The following SEMA3A variants were observed in gnomAD, a reference collection of about 807,000 sequenced individuals.
SEMA3A encodes semaphorin-3A.
Under a neutral mutation model 97.9 loss-of-function variants are expected in SEMA3A, and 29 were observed. The observed-to-expected ratio is 0.30, with a 90% confidence interval of 0.22 to 0.40. The LOEUF is 0.40. Among genes scored for constraint, SEMA3A ranks in the 10% least tolerant of loss-of-function variants. The pLI, the probability that SEMA3A is intolerant of heterozygous loss-of-function variation, is 1.00. For synonymous variants in SEMA3A, 321 were observed against 323.7 expected, an observed-to-expected ratio of 0.99 and a Z score of 0.09; for missense variants, 763 against 951.3, an observed-to-expected ratio of 0.80 and a Z score of 2.60.
At chr7:84,474,909 G>T (rs1217178607) in intron 1 of SEMA3A, among the ~76,000 whole-genome samples, 1 of 150,656 alleles carries the variant, frequency 6.6e-6, no homozygotes, top group African/African-American at 2.4e-5. Context: ...AATATTAGAG[G>T]TTTAAAAAAA....
chr7:83,965,472 A>G (rs2116262923), intron 15 of SEMA3A, among the ~76,000 whole-genome samples: 1 of 150,878 alleles, frequency 6.6e-6, no homozygotes, highest in East Asian at 2.0e-4. Flanking sequence ...AATCTGCTAA[A>G]GCTACTAAAG....
intron 6 of SEMA3A, among the ~76,000 whole-genome samples, chr7:84,040,032 G>C (rs1792079720): frequency 6.6e-6 from 1 of 151,864 alleles, no homozygotes; most frequent in South Asian, 2.1e-4. Flanking sequence ...ACATGGAAAG[G>C]CAGGTTATTT....
intron 1 of SEMA3A, among the ~76,000 whole-genome samples, chr7:84,475,293 T>C (rs192058329): frequency 2.6e-5 from 4 of 152,342 alleles, no homozygotes; most frequent in Admixed American, 1.3e-4. Context: ...TATGTTTGTT[T>C]GTTCATTCTG....
chr7:84,325,852 C>T (rs1040907570), intron 2 of SEMA3A, among the ~76,000 whole-genome samples: 1 of 152,052 alleles, frequency 6.6e-6, no homozygotes, highest in Non-Finnish European at 1.5e-5. Flanking sequence ...ATTTAAATCA[C>T]CAGAACTTGT....
intron 1 of SEMA3A, among the ~76,000 whole-genome samples, chr7:84,181,552 T>G (rs1797738787): frequency 6.6e-6 from 1 of 152,036 alleles, no homozygotes; most frequent in Non-Finnish European, 1.5e-5. Context: ...GGAAAAAAAT[T>G]TGCCTTTTAA....
chr7:84,482,476 T>C (rs1806471841), intron 1 of SEMA3A, among the ~76,000 whole-genome samples: 1 of 152,180 alleles, frequency 6.6e-6, no homozygotes, highest in African/African-American at 2.4e-5. Flanking sequence ...AATAACATAG[T>C]AAATGAAGCT....
At chr7:83,993,788 T>C (rs978517219) in intron 12 of SEMA3A, among the ~76,000 whole-genome samples, 2 of 127,102 alleles carry the variant, frequency 1.6e-5, no homozygotes, top group African/African-American at 3.1e-5. Context: ...CTGACAATTA[T>C]GTGTCTTGGA....
At chr7:84,412,474 T>C (rs1186324189) in intron 1 of SEMA3A, among the ~76,000 whole-genome samples, 1 of 152,176 alleles carries the variant, frequency 6.6e-6, no homozygotes, top group Non-Finnish European at 1.5e-5. Context: ...TCTGAGGCAA[T>C]TTATTAGTAA....
intron 3 of SEMA3A, among the ~76,000 whole-genome samples, chr7:84,245,158 T>C (rs1799450750): frequency 6.6e-6 from 1 of 152,180 alleles, no homozygotes; most frequent in Non-Finnish European, 1.5e-5. Flanking sequence ...GGGGAAGTTC[T>C]CCTGGATAAA....
chr7:84,294,732 G>C (rs977724765), intron 3 of SEMA3A, among the ~76,000 whole-genome samples: 2 of 151,950 alleles, frequency 1.3e-5, no homozygotes, highest in African/African-American at 4.8e-5. Context: ...TGGTAAAATG[G>C]TGAGAATACA....
chr7:84,326,059 A>G (rs1801768938), intron 2 of SEMA3A, among the ~76,000 whole-genome samples: 1 of 152,094 alleles, frequency 6.6e-6, no homozygotes, highest in African/African-American at 2.4e-5. Context: ...AGGTTCATCC[A>G]TGTTATAAAA....
At chr7:84,338,561 T>G (rs117628651) in intron 2 of SEMA3A, among the ~76,000 whole-genome samples, 120 of 152,212 alleles carry the variant, frequency 7.9e-4, no homozygotes, top group Non-Finnish European at 1.5e-3. Context: ...CTTATAATAC[T>G]CCAGGATTAT....
intron 1 of SEMA3A, among the ~76,000 whole-genome samples, chr7:84,372,682 T>C (rs1803002579): frequency 6.6e-6 from 1 of 152,138 alleles, no homozygotes; most frequent in East Asian, 1.9e-4. Context: ...CAGCATGCCC[T>C]CTCTGTCTCA....
At chr7:84,229,332 C>G (rs926621355) in intron 3 of SEMA3A, among the ~76,000 whole-genome samples, 3 of 152,092 alleles carry the variant, frequency 2.0e-5, no homozygotes, top group Admixed American at 2.0e-4. Flanking sequence ...ATTAGGCCCC[C>G]TCTTAGTAGT....
At chr7:84,146,585 G>A (rs1214082981) in intron 1 of SEMA3A, among the ~76,000 whole-genome samples, 1 of 152,096 alleles carries the variant, frequency 6.6e-6, no homozygotes, top group Non-Finnish European at 1.5e-5. Context: ...CTTCTTGAGG[G>A]AATAACTAGA....
At chr7:84,464,721 TAGAG>T (rs1391186918) in intron 1 of SEMA3A, among the ~76,000 whole-genome samples, 4 of 152,180 alleles carry the variant, frequency 2.6e-5, no homozygotes, top group African/African-American at 4.8e-5. Flanking sequence ...GAAATTAGCT[TAGAG>T]AGAACAGATA....
chr7:84,380,473 T>C (rs946195596), intron 1 of SEMA3A, among the ~76,000 whole-genome samples: 1 of 152,150 alleles, frequency 6.6e-6, no homozygotes, highest in African/African-American at 2.4e-5. Flanking sequence ...GAGGAGGTGA[T>C]GGTTTTCTGA....
chr7:84,106,038 C>T (rs1245119148), intron 4 of SEMA3A, among the ~76,000 whole-genome samples: 1 of 152,104 alleles, frequency 6.6e-6, no homozygotes, highest in Non-Finnish European at 1.5e-5. Context: ...CCCAAATGTA[C>T]CACAGGAAAG....
At chr7:83,964,688 G>A (rs1387084860) in intron 15 of SEMA3A, among the ~76,000 whole-genome samples, 1 of 151,940 alleles carries the variant, frequency 6.6e-6, no homozygotes, top group African/African-American at 2.4e-5. Flanking sequence ...TCCAATATTG[G>A]GAATTATCTG....
Sources: allele counts gnomAD v4.1 joint callset (sites outside exome capture counted in the v4.1 genomes callset), GRCh38; gene constraint gnomAD v4.1.1; transcripts MANE v1.5; gene names NCBI Gene and HGNC (gene_info 2026-07-23, HGNC 2026-07-21).